Variants in SCAF4 observed in about 807,000 individuals in gnomAD.
SCAF4 encodes SR-related and CTD-associated factor 4.
In SCAF4, 25 loss-of-function variants were observed where a neutral mutation model predicts 129.8. The ratio of observed to expected loss-of-function variants is 0.19; its 90% CI spans 0.14 to 0.27. SCAF4 has a LOEUF of 0.27. SCAF4 is among the 10% of genes least tolerant of loss of function. The pLI is 1.00. For synonymous variants in SCAF4, 551 were observed against 497.7 expected (o/e 1.11, Z -1.43); for missense variants, 1,246 against 1,457.1 (o/e 0.86, Z 2.36).
At chr21:31,687,164 T>G (rs2050145788) in intron 16 of SCAF4, among the ~76,000 whole-genome samples, 1 of 152,184 alleles carries the variant, frequency 6.6e-6, no homozygotes, top group Admixed American at 6.5e-5. Flanking sequence ...ATTTATCTGA[T>G]TCAGATTTAA....
At chr21:31,693,766 A>T (rs1343305188) in intron 11 of SCAF4, among the ~76,000 whole-genome samples, 2 of 152,192 alleles carry the variant, frequency 1.3e-5, no homozygotes, top group African/African-American at 4.8e-5. Context: ...TTAAGTAGCT[A>T]ATTTTCACAG....
At chr21:31,707,582 A>G (rs2050698139) in intron 1 of SCAF4, among the ~76,000 whole-genome samples, 1 of 152,222 alleles carries the variant, frequency 6.6e-6, no homozygotes, top group African/African-American at 2.4e-5. Flanking sequence ...GCATACACTT[A>G]CCTGGGACTT....
rs148638283 is a variant in SCAF4 at position 31,716,048 on chromosome 21, G to A, written c.31-9691C>T. On this transcript the variant is annotated intron_variant, in intron 1 of 19. Transcript: ENST00000286835. ...CCAGAGTCTACAATTTCTAAAGTATGCTTTTTCCTACTTTTTGAAATAAAG... is the reference window on the plus strand; with the variant it reads ...CCAGAGTCTACAATTTCTAAAGTATACTTTTTCCTACTTTTTGAAATAAAG... Among the ~76,000 whole-genome samples the A allele has an allele frequency of 1.5e-4, 23 of 152,206 alleles. No individual in the cohort carries two copies. In the East Asian group the frequency reaches 4.2e-3, roughly 28 times the overall value.
At chr21:31,731,512 A>G in intron 1 of SCAF4, 151 bp downstream of exon 1, 1 of 885,988 alleles carries the variant, frequency 1.1e-6, no homozygotes, top group Non-Finnish European at 1.7e-6. Flanking sequence ...CTCCCGGGCC[A>G]CAGGCCCCGC....
At chr21:31,686,793 AGCTTG>A (rs753548998) in intron 16 of SCAF4, among the ~76,000 whole-genome samples, 19 of 152,170 alleles carry the variant, frequency 1.2e-4, no homozygotes, top group Admixed American at 5.9e-4. Flanking sequence ...TCAGGGATCT[AGCTTG>A]TGCAGTTCTT....
At chr21:31,714,871 A>G (rs1351033845) in intron 1 of SCAF4, among the ~76,000 whole-genome samples, 2 of 152,220 alleles carry the variant, frequency 1.3e-5, no homozygotes, top group Admixed American at 6.5e-5. Context: ...GAGCAAAACA[A>G]TGTGAAGATA....
At chr21:31,712,182 T>C (rs534229643) in intron 1 of SCAF4, among the ~76,000 whole-genome samples, 2 of 151,614 alleles carry the variant, frequency 1.3e-5, no homozygotes, top group African/African-American at 4.8e-5. Context: ...CCTCTACTGT[T>C]GCCAGTTCTG....
Position 31,703,783 on chromosome 21 carries a change from A to G in SCAF4, c.303T>C (p.Leu101=). 1 of 1,557,250 alleles carries G rather than the reference A, an allele frequency of 6.4e-7. No homozygotes were observed. Among genetic ancestry groups the G allele is most frequent in the East Asian group, 2.3e-5 (1 of 44,380 alleles). Residue 101 remains leucine, a synonymous_variant, in exon 4 of 20, where the codon CTT becomes CTC. Coordinates refer to ENST00000286835, the MANE Select transcript of SCAF4 (RefSeq NM_020706.2). ...ATTATACCTTATCTTCAGATGGACA[A>G]AGATATAAATATTGGAATGTGGCAG... The part of the protein sequence containing the change: ...NITATFQYLY[L]CPSEDKSKIV...
At chr21:31,672,397 G>A in intron 19 of SCAF4, 43 bp from the exon 20 acceptor site, 1 of 1,418,562 alleles carries the variant, frequency 7.0e-7, no homozygotes, top group East Asian at 2.3e-5. Context: ...CACCGAAGAT[G>A]GCACTCCAGT....
chr21:31,690,136 G>C (rs1186194802), intron 15 of SCAF4, among the ~76,000 whole-genome samples: 1 of 152,066 alleles, frequency 6.6e-6, no homozygotes, highest in Non-Finnish European at 1.5e-5. Flanking sequence ...ACTTTAGATT[G>C]CTTCTCTGGA....
intron 7 of SCAF4, 114 bp downstream of exon 7, chr21:31,700,881 C>T: frequency 8.4e-7 from 1 of 1,192,380 alleles, no homozygotes; most frequent in Non-Finnish European, 1.2e-6. Flanking sequence ...GAAAATCTCT[C>T]AAATTACAAA....
At chr21:31,723,610 A>ATGTGTATGTG (rs2051126387) in intron 1 of SCAF4, among the ~76,000 whole-genome samples, 1 of 149,224 alleles carries the variant, frequency 6.7e-6, no homozygotes, top group African/African-American at 2.5e-5. Context: ...GATTTATATG[A>ATGTGTATGTG]TGTGTGTGTG....
chr21:31,728,483 G>C (rs564360666), intron 1 of SCAF4, among the ~76,000 whole-genome samples: 1 of 152,024 alleles, frequency 6.6e-6, no homozygotes, highest in East Asian at 1.9e-4. Flanking sequence ...TATTATCTTC[G>C]GACACAATTA....
Position 31,671,288 on chromosome 21 carries a change from C to T in SCAF4, c.*111G>A, listed in dbSNP as rs1385278591. On this transcript the variant is annotated 3_prime_UTR_variant, in exon 20 of 20. Transcript: ENST00000286835. ...AATCAAATTGCTTACAGTTCCCCAC[C>T]AGCTGGCGCGGGGCTGCAGTACAGC... is the stretch of plus-strand genomic sequence containing the variant. The T allele has an allele frequency of 8.1e-7, 1 of 1,236,728 alleles. No homozygotes were observed. Among genetic ancestry groups the T allele is most frequent in the East Asian group, 2.5e-5 (1 of 40,780 alleles). 76.6% of individuals were successfully genotyped at this position (1,236,728 alleles called of 1,614,324 possible). A position where few individuals can be genotyped will look rare whatever the true frequency, so the allele number is the denominator to read the frequency against.
At chr21:31,676,018 T>A (rs1248550954) in intron 19 of SCAF4, among the ~76,000 whole-genome samples, 1 of 151,926 alleles carries the variant, frequency 6.6e-6, no homozygotes, top group African/African-American at 2.4e-5. Context: ...GACCACAGAG[T>A]GTACGCAGTC....
intron 4 of SCAF4, among the ~76,000 whole-genome samples, chr21:31,703,091 T>C (rs2833483): frequency 0.18 from 26,879 of 152,024 alleles, 3,777 homozygotes; most frequent in East Asian, 0.52. Context: ...TATAAGGAAT[T>C]AAATACTGTA....
chr21:31,678,145 T>C (rs2049905893), intron 19 of SCAF4, among the ~76,000 whole-genome samples: 1 of 152,198 alleles, frequency 6.6e-6, no homozygotes, highest in African/African-American at 2.4e-5. Flanking sequence ...CTCTATTAGA[T>C]GTTACCAGTA....
chr21:31,719,230 C>T (rs976585725), intron 1 of SCAF4, among the ~76,000 whole-genome samples: 4 of 151,958 alleles, frequency 2.6e-5, no homozygotes, highest in African/African-American at 9.7e-5. Context: ...GTGGAGATTG[C>T]GGTCAGCCAA....
Position 31,731,829 on chromosome 21 carries a change from G to A in SCAF4, c.-137C>T. ...GCGGCGGAGTCCGAGGCCCGGGCAG[G>A]AAGAGGCTGCGCCCGAAGCGGCGAG... On this transcript the variant is annotated 5_prime_UTR_variant, in exon 1 of 20. Transcript: ENST00000286835. 3.9e-6 allele frequency: 4 copies of A among 1,018,394 alleles called. No individual in the cohort carries two copies. The highest frequency in any genetic ancestry group is 5.3e-6 in the Non-Finnish European group (4 of 750,954). The allele number at this position is 1,018,394 out of a possible 1,614,324, so 63.1% of individuals were successfully genotyped here.
Sources: gnomAD v4.1 joint callset for allele counts (sites outside exome capture counted in the v4.1 genomes callset) on GRCh38, gnomAD v4.1.1 for gene constraint, MANE v1.5 for transcripts, NCBI Gene and HGNC (gene_info 2026-07-23, HGNC 2026-07-21) for gene names.